Variants in RERG observed in about 807,000 individuals in gnomAD.
The protein encoded by RERG is ras-related and estrogen-regulated growth inhibitor.
RERG carries 25 observed loss-of-function variants against 23.2 expected under a neutral mutation model. The ratio of observed to expected loss-of-function variants is 1.08; its 90% CI spans 0.79 to 1.50. The LOEUF (loss-of-function observed/expected upper bound fraction) is 1.50. RERG is among the 40% of genes most tolerant of loss of function. The pLI, the probability that RERG is intolerant of heterozygous loss-of-function variation, is 0.00. For synonymous variants in RERG, 81 were observed against 89.1 expected (o/e 0.91, Z 0.51); for missense variants, 253 against 250.1 (o/e 1.01, Z -0.08).
In RERG at chr12:15,167,244, C is replaced by T. The variant is rs182485005; in HGVS notation, c.62-46125G>A. On this transcript the variant is annotated intron_variant, in intron 2 of 4. Coordinates refer to ENST00000256953, the MANE Select transcript of RERG (RefSeq NM_032918.3). Reference sequence around the variant, plus strand: ...TTGAATGTGACTATCTGCTGGGTTGCCCTGAGAGGAGTCCAGGCTCTAGAC... The same window carrying T: ...TTGAATGTGACTATCTGCTGGGTTGTCCTGAGAGGAGTCCAGGCTCTAGAC... 3.8e-3 allele frequency among the ~76,000 whole-genome samples: 580 copies of T among 152,214 alleles called. 4 individuals are homozygous for T. Among genetic ancestry groups the T allele is most frequent in the South Asian group, 0.022 (108 of 4,828 alleles).
At chr12:15,117,037 C>T (rs1415042263) in intron 3 of RERG, among the ~76,000 whole-genome samples, 2 of 151,964 alleles carry the variant, frequency 1.3e-5, no homozygotes, top group Non-Finnish European at 1.5e-5. Context: ...AATTTAAAAT[C>T]TGCACTCACT....
At chr12:15,118,957 C>T (rs1281952796) in intron 3 of RERG, among the ~76,000 whole-genome samples, 2 of 152,118 alleles carry the variant, frequency 1.3e-5, no homozygotes, top group South Asian at 2.1e-4. Context: ...TCCTGTCTTC[C>T]CCAAGGTATT....
intron 2 of RERG, among the ~76,000 whole-genome samples, chr12:15,132,711 T>C (rs1411574465): frequency 6.6e-6 from 1 of 152,148 alleles, no homozygotes; most frequent in Non-Finnish European, 1.5e-5. Flanking sequence ...GAATATAGCT[T>C]TGTCAGGTTT....
chr12:15,152,397 A>G (rs955203436), intron 2 of RERG, among the ~76,000 whole-genome samples: 1 of 152,210 alleles, frequency 6.6e-6, no homozygotes, highest in Admixed American at 6.5e-5. Context: ...TTCTGAAGCT[A>G]TTATCCATAG....
chr12:15,151,016 A>G (rs1864432358), intron 2 of RERG, among the ~76,000 whole-genome samples: 1 of 152,182 alleles, frequency 6.6e-6, no homozygotes, highest in Non-Finnish European at 1.5e-5. Flanking sequence ...AAATACAGAA[A>G]ACAGCTTGTG....
chr12:15,124,019 C>T (rs1319976334), intron 2 of RERG, among the ~76,000 whole-genome samples: 1 of 152,122 alleles, frequency 6.6e-6, no homozygotes, highest in African/African-American at 2.4e-5. Context: ...AATTCTTCAT[C>T]ATCTGTGGTT....
chr12:15,153,751 AAGAT>A lies in RERG; in HGVS notation c.62-32636_62-32633del, dbSNP rs371932877. 1.5e-3 allele frequency among the ~76,000 whole-genome samples: 234 copies of A among 152,282 alleles called. 1 individual carries two copies. The highest frequency in any genetic ancestry group is 0.01 in the Middle Eastern group (3 of 294). On this transcript the variant is annotated intron_variant, in intron 2 of 4. Transcript: ENST00000256953. ...AAATTATCCTCTCTGGTGATTTTTCAAGATAGATAGTGTTATGGGTTGAATTGTG... is the reference window on the plus strand; with the variant it reads ...AAATTATCCTCTCTGGTGATTTTTCAAGATAGTGTTATGGGTTGAATTGTG...
intron 2 of RERG, among the ~76,000 whole-genome samples, chr12:15,215,933 T>C (rs1752479096): frequency 6.6e-6 from 1 of 152,214 alleles, no homozygotes; most frequent in Non-Finnish European, 1.5e-5. Flanking sequence ...TTTGACTTCT[T>C]AAATCGCATG....
chr12:15,206,974 C>T (rs1366408618), intron 2 of RERG, among the ~76,000 whole-genome samples: 14 of 151,952 alleles, frequency 9.2e-5, no homozygotes, highest in Admixed American at 1.3e-4. Context: ...AAGCTTCTCC[C>T]CAGCTCACCT....
At chr12:15,121,597 A>AT (rs1239552194) in intron 2 of RERG, among the ~76,000 whole-genome samples, 1 of 152,232 alleles carries the variant, frequency 6.6e-6, no homozygotes, top group African/African-American at 2.4e-5. Context: ...AAAATTAAGG[A>AT]TTTTTATTAG....
intron 2 of RERG, among the ~76,000 whole-genome samples, chr12:15,152,878 A>T (rs1000587980): frequency 3.9e-5 from 6 of 152,084 alleles, no homozygotes; most frequent in Non-Finnish European, 7.4e-5. Flanking sequence ...AAAATATAAC[A>T]CTGCTTTTTA....
At chr12:15,142,710 G>C in intron 2 of RERG, among the ~76,000 whole-genome samples, 1 of 152,030 alleles carries the variant, frequency 6.6e-6, no homozygotes, top group East Asian at 1.9e-4. Context: ...GAGAGGGGGG[G>C]TAGGAGAGAA....
At chr12:15,212,950 T>C (rs1865388964) in intron 2 of RERG, among the ~76,000 whole-genome samples, 1 of 152,146 alleles carries the variant, frequency 6.6e-6, no homozygotes, top group Non-Finnish European at 1.5e-5. Flanking sequence ...AAAAATAGGA[T>C]GAAAAATCAC....
intron 2 of RERG, among the ~76,000 whole-genome samples, chr12:15,148,780 G>A (rs1012801281): frequency 7.1e-5 from 10 of 141,342 alleles, no homozygotes; most frequent in African/African-American, 2.6e-4. Context: ...TGAAATTTTG[G>A]TCTGTACATG....
intron 2 of RERG, among the ~76,000 whole-genome samples, chr12:15,208,992 T>C (rs1865331232): frequency 6.6e-6 from 1 of 152,078 alleles, no homozygotes; most frequent in South Asian, 2.1e-4. Context: ...GTGACATATT[T>C]GAAACCAAAA....
intron 2 of RERG, among the ~76,000 whole-genome samples, chr12:15,159,551 C>T (rs1465979483): frequency 2.0e-5 from 3 of 152,270 alleles, no homozygotes; most frequent in Middle Eastern, 3.4e-3. Context: ...GGGCTGGGCA[C>T]GGTGGCTCAC....
intron 2 of RERG, among the ~76,000 whole-genome samples, chr12:15,196,878 T>G (rs1360326801): frequency 6.6e-6 from 1 of 152,062 alleles, no homozygotes; most frequent in African/African-American, 2.4e-5. Context: ...CAGTCGTAGG[T>G]GAGAATGAGA....
At chr12:15,211,282 TATAC>T (rs1465236458) in intron 2 of RERG, among the ~76,000 whole-genome samples, 2 of 113,042 alleles carry the variant, frequency 1.8e-5, no homozygotes, top group Admixed American at 1.0e-4. Context: ...AATGTCATTT[TATAC>T]ACACACACAC....
chr12:15,113,791 G>A (rs1187276837), intron 3 of RERG, among the ~76,000 whole-genome samples: 2 of 151,924 alleles, frequency 1.3e-5, no homozygotes, highest in Non-Finnish European at 2.9e-5. Context: ...TTAAAAACAT[G>A]TCAGTTTTCC....
Sources: allele counts gnomAD v4.1 joint callset (sites outside exome capture counted in the v4.1 genomes callset), GRCh38; gene constraint gnomAD v4.1.1; transcripts MANE v1.5; gene names NCBI Gene and HGNC (gene_info 2026-07-23, HGNC 2026-07-21).